MAP2K4: variants seen among roughly 807,000 people sequenced by gnomAD.
MAP2K4 encodes the protein mitogen-activated protein kinase kinase 4, also known as dual specificity mitogen-activated protein kinase kinase 4.
MAP2K4 carries 4 observed loss-of-function variants against 48.5 expected under a neutral mutation model. The observed-to-expected ratio is 0.08, with a 90% confidence interval of 0.04 to 0.19. The LOEUF (loss-of-function observed/expected upper bound fraction) is 0.19, where lower values mean the gene tolerates loss of function less well. Ranked by LOEUF, MAP2K4 falls within the 10% of genes least tolerant of loss-of-function variation. The pLI is 1.00. For missense variants in MAP2K4, 258 were observed against 493.3 expected (o/e 0.52, Z 4.52); for synonymous variants, 166 against 173.1 (o/e 0.96, Z 0.32).
chr17:12,105,830 G>A (rs1049799778), intron 4 of MAP2K4, among the ~76,000 whole-genome samples: 2 of 151,612 alleles, frequency 1.3e-5, no homozygotes, highest in Admixed American at 1.3e-4. Flanking sequence ...TTCAGTTCTC[G>A]GTTTACTTGT....
In MAP2K4 at chr17:12,127,884, G is replaced by T. The variant is rs143240242; in HGVS notation, c.892-1255G>T. ...TAGAAACAACAGTGAGCTGACAGAG[G>T]CATCCTTTAGGGAGGAAACGGAATC... On this transcript the variant is annotated intron_variant, in intron 8 of 10. Coordinates refer to ENST00000353533, the MANE Select transcript of MAP2K4 (RefSeq NM_003010.4). Among the ~76,000 whole-genome samples, 6 of 152,302 alleles carry T rather than the reference G, an allele frequency of 3.9e-5. No individual in the cohort carries two copies. In the East Asian group the frequency reaches 1.2e-3, roughly 29 times the overall value.
intron 7 of MAP2K4, among the ~76,000 whole-genome samples, chr17:12,121,928 ATC>A (rs1237811420): frequency 1.3e-5 from 2 of 152,186 alleles, no homozygotes; most frequent in East Asian, 3.8e-4. Context: ...TCTTCTTGCC[ATC>A]TCTCAGCAAT....
chr17:12,098,004 A>G (rs1020765581), intron 4 of MAP2K4, among the ~76,000 whole-genome samples: 2 of 152,204 alleles, frequency 1.3e-5, no homozygotes, highest in African/African-American at 2.4e-5. Context: ...TACTTTCTGA[A>G]TAATAAGAGT....
intron 4 of MAP2K4, among the ~76,000 whole-genome samples, chr17:12,098,786 CT>C (rs1971840537): frequency 1.3e-5 from 2 of 152,068 alleles, no homozygotes; most frequent in South Asian, 4.2e-4. Context: ...TTCATTTCAC[CT>C]AATTTATACA....
At chr17:12,120,535 C>A (rs1390798698) in intron 7 of MAP2K4, among the ~76,000 whole-genome samples, 1 of 7,186 alleles carries the variant, frequency 1.4e-4, no homozygotes, top group East Asian at 0.012. Context: ...CTCCCTCATT[C>A]CCCCCCCCAT....
rs530590449 is a variant in MAP2K4 at position 12,111,903 on chromosome 17, G to T, written c.686-1330G>T. Among the ~76,000 whole-genome samples the T allele has an allele frequency of 6.4e-4, 98 of 152,228 alleles. 3 individuals are homozygous for T. In the South Asian group the frequency reaches 0.017, roughly 26 times the overall value. On this transcript the variant is annotated intron_variant, in intron 6 of 10. Transcript: ENST00000353533. ...CCTCAGGGTAGTAACAACTAGAGCAGTTCCCACTATCATGTCTATATGTGG... is the reference window on the plus strand; with the variant it reads ...CCTCAGGGTAGTAACAACTAGAGCATTTCCCACTATCATGTCTATATGTGG...
At chr17:12,098,658 C>T (rs1252500512) in intron 4 of MAP2K4, among the ~76,000 whole-genome samples, 1 of 151,960 alleles carries the variant, frequency 6.6e-6, no homozygotes, top group Admixed American at 6.6e-5. Flanking sequence ...AATCTGAGTT[C>T]ATGAAAGGAA....
chr17:12,036,901 A>C (rs1326725412), intron 1 of MAP2K4, among the ~76,000 whole-genome samples: 3 of 124,646 alleles, frequency 2.4e-5, no homozygotes, highest in Non-Finnish European at 3.6e-5. Context: ...CCCCCCCGCC[A>C]CCTTTTTTTT....
chr17:12,083,262 T>G (rs1971250459), intron 3 of MAP2K4, among the ~76,000 whole-genome samples: 1 of 152,226 alleles, frequency 6.6e-6, no homozygotes, highest in Non-Finnish European at 1.5e-5. Context: ...ACTGATTAAT[T>G]TGATAATATT....
intron 3 of MAP2K4, among the ~76,000 whole-genome samples, chr17:12,083,286 T>C (rs767400971): frequency 9.9e-5 from 15 of 152,252 alleles, no homozygotes; most frequent in African/African-American, 1.7e-4. Context: ...GGTTGTATAA[T>C]GCTTACTCAA....
At position 12,078,389 on chromosome 17, in the gene MAP2K4, TG is replaced by T. The variant is rs1275671724; in HGVS notation, c.219-2961del. ...GGATATTTAGGAATTATTTTTATTTTGGGGGGTACATGGTGTATATATTTAT... is the reference window on the plus strand; with the variant it reads ...GGATATTTAGGAATTATTTTTATTTTGGGGGTACATGGTGTATATATTTAT... On this transcript the variant is annotated intron_variant, in intron 2 of 10. Coordinates refer to ENST00000353533, the MANE Select transcript of MAP2K4 (RefSeq NM_003010.4). Among the ~76,000 whole-genome samples the T allele has an allele frequency of 3.3e-5, 5 of 152,200 alleles. No homozygotes were observed. In the East Asian group the frequency reaches 7.7e-4, roughly 24 times the overall value.
chr17:12,084,157 T>C (rs1971283413), intron 3 of MAP2K4, among the ~76,000 whole-genome samples: 1 of 152,170 alleles, frequency 6.6e-6, no homozygotes, highest in South Asian at 2.1e-4. Context: ...ATAAGAAATA[T>C]TTGAAAAAGG....
chr17:12,059,292 A>C (rs1224119805), intron 2 of MAP2K4, among the ~76,000 whole-genome samples: 1 of 152,180 alleles, frequency 6.6e-6, no homozygotes, highest in Non-Finnish European at 1.5e-5. Flanking sequence ...AAACACTATA[A>C]ATCTTTTTGA....
At chr17:12,051,321 T>C (rs1445761587) in intron 1 of MAP2K4, among the ~76,000 whole-genome samples, 4 of 152,184 alleles carry the variant, frequency 2.6e-5, no homozygotes, top group African/African-American at 9.7e-5. Context: ...CCAATAACCA[T>C]ATAGGCTTAA....
chr17:12,074,433 GC>G (rs555854492), intron 2 of MAP2K4, among the ~76,000 whole-genome samples: 6 of 152,028 alleles, frequency 3.9e-5, no homozygotes, highest in Non-Finnish European at 8.8e-5. Flanking sequence ...TTTAGCTTTC[GC>G]AGATGAGACT....
chr17:12,039,285 G>A (rs926351170), intron 1 of MAP2K4, among the ~76,000 whole-genome samples: 1 of 152,192 alleles, frequency 6.6e-6, no homozygotes, highest in African/African-American at 2.4e-5. Flanking sequence ...ACTGTGTACA[G>A]ACTGTCATAA....
chr17:12,123,385 G>T (rs546177330), intron 7 of MAP2K4, among the ~76,000 whole-genome samples: 40 of 152,158 alleles, frequency 2.6e-4, no homozygotes, highest in African/African-American at 9.1e-4. Context: ...CAGTAGTAAT[G>T]GCCCCTCTTT....
chr17:12,134,858 G>A (rs567923037), intron 9 of MAP2K4, among the ~76,000 whole-genome samples: 2 of 152,298 alleles, frequency 1.3e-5, no homozygotes, highest in African/African-American at 4.8e-5. Flanking sequence ...AGATATCTTG[G>A]ACAACACTTG....
chr17:12,081,780 T>G lies in MAP2K4; in HGVS notation c.393+250T>G. On this transcript the variant is annotated intron_variant, in intron 3 of 10. Coordinates refer to ENST00000353533, the MANE Select transcript of MAP2K4 (RefSeq NM_003010.4). The surrounding 1 kb of genome is among the most constrained non-coding windows in gnomAD (Gnocchi z 4.2). ...TTTTTGGCATGATGCATTAACATGT[T>G]TTAAACTTCAGGCCCTTCTACTGCC... is the stretch of plus-strand genomic sequence containing the variant. The G allele has an allele frequency of 1.9e-6, 1 of 516,676 alleles. No homozygotes were observed. The highest frequency in any genetic ancestry group is 2.0e-5 in the South Asian group (1 of 51,250). 32.0% of individuals were successfully genotyped at this position (516,676 alleles called of 1,614,324 possible). A position where few individuals can be genotyped will look rare whatever the true frequency, so the allele number is the denominator to read the frequency against.
Sources: gnomAD v4.1 joint callset for allele counts (sites outside exome capture counted in the v4.1 genomes callset) on GRCh38, gnomAD v4.1.1 for gene constraint, Gnocchi (gnomAD v3.1) non-coding constraint, MANE v1.5 for transcripts, NCBI Gene and HGNC (gene_info 2026-07-23, HGNC 2026-07-21) for gene names.